The following COL23A1 variants were observed in gnomAD, a reference collection of about 807,000 sequenced individuals.
COL23A1 encodes the protein collagen type XXIII alpha 1 chain, also known as collagen alpha-1(XXIII) chain.
In COL23A1, 97 loss-of-function variants were observed where a neutral mutation model predicts 99.3. The ratio of observed to expected loss-of-function variants is 0.98; its 90% CI spans 0.83 to 1.16. The LOEUF (loss-of-function observed/expected upper bound fraction) is 1.16, where lower values mean the gene tolerates loss of function less well. Ranked by LOEUF, COL23A1 falls within the 50% of genes most tolerant of loss-of-function variation. The pLI is 0.00. For synonymous variants in COL23A1, 320 were observed against 308.2 expected (o/e 1.04, Z -0.40); for missense variants, 762 against 757.4 (o/e 1.01, Z -0.07).
intron 2 of COL23A1, among the ~76,000 whole-genome samples, chr5:178,474,860 C>T (rs1008017554): frequency 3.3e-5 from 5 of 152,188 alleles, no homozygotes; most frequent in African/African-American, 9.7e-5. Context: ...TGGCTTAAAG[C>T]GACAGAAATT....
chr5:178,470,243 A>G (rs1292093123), intron 2 of COL23A1, among the ~76,000 whole-genome samples: 1 of 152,148 alleles, frequency 6.6e-6, no homozygotes, highest in African/African-American at 2.4e-5. Context: ...CTGGCCATCC[A>G]GCGTCTGTCC....
chr5:178,523,163 C>CGTATAT (rs1554189030), intron 2 of COL23A1, among the ~76,000 whole-genome samples: 2 of 95,562 alleles, frequency 2.1e-5, no homozygotes, highest in Admixed American at 1.4e-4. Context: ...TATATATATA[C>CGTATAT]ATATATATAT....
chr5:178,517,568 G>GTTTTTTTTTTTTTTT lies in COL23A1; in HGVS notation c.361+43113_361+43114insAAAAAAAAAAAAAAA, dbSNP rs70997606. Among the ~76,000 whole-genome samples, 15 of 108,260 alleles carry GTTTTTTTTTTTTTTT rather than the reference G, an allele frequency of 1.4e-4. 2 individuals carry two copies. Among genetic ancestry groups the GTTTTTTTTTTTTTTT allele is most frequent in the African/African-American group, 5.8e-4 (15 of 25,962 alleles). 71.0% of individuals were successfully genotyped at this position (108,260 alleles called of 152,430 possible). A position where few individuals can be genotyped will look rare whatever the true frequency, so the allele number is the denominator to read the frequency against. On this transcript the variant is annotated intron_variant, in intron 2 of 28. Coordinates refer to ENST00000390654, the MANE Select transcript of COL23A1 (RefSeq NM_173465.4). Reference sequence around the variant, plus strand: ...TCTCGGTGACAGCAGTTTTTTTTTTGTTTTTTTTTTTGAGATGGAGTCTCA... The same window carrying GTTTTTTTTTTTTTTT: ...TCTCGGTGACAGCAGTTTTTTTTTTGTTTTTTTTTTTTTTTTTTTTTTTTTTGAGATGGAGTCTCA...
intron 5 of COL23A1, among the ~76,000 whole-genome samples, chr5:178,276,413 G>C (rs1386691851): frequency 6.6e-6 from 1 of 152,222 alleles, no homozygotes; most frequent in Non-Finnish European, 1.5e-5. Context: ...ACTAGGACAA[G>C]GCCCCTGGAA....
chr5:178,404,029 A>G (rs1310060348), intron 2 of COL23A1, among the ~76,000 whole-genome samples: 2 of 152,222 alleles, frequency 1.3e-5, no homozygotes, highest in Non-Finnish European at 2.9e-5. Context: ...CAGAGAGGCA[A>G]GGAAGACAGG....
rs567245281 is a variant in COL23A1 at position 178,553,726 on chromosome 5, T to C, written c.361+6956A>G. Among the ~76,000 whole-genome samples, 19 of 152,272 alleles carry C rather than the reference T, an allele frequency of 1.2e-4. No homozygotes were observed. In the South Asian group the frequency reaches 3.9e-3, roughly 32 times the overall value. The stretch of plus-strand genomic sequence containing the variant: ...GATGAGGGTTCACGGCCACACACTT[T>C]CCTTTTCTGTTTCTCTCACTCCAGC... On this transcript the variant is annotated intron_variant, in intron 2 of 28. Transcript: ENST00000390654.
In COL23A1 at chr5:178,251,609, C is replaced by T. The variant is rs112441571; in HGVS notation, c.1014+935G>A. 2.4e-4 allele frequency among the ~76,000 whole-genome samples: 36 copies of T among 152,256 alleles called. 2 individuals are homozygous for T. The highest frequency in any genetic ancestry group is 8.4e-4 in the African/African-American group (35 of 41,562). On this transcript the variant is annotated intron_variant, in intron 17 of 28. Coordinates refer to ENST00000390654, the MANE Select transcript of COL23A1 (RefSeq NM_173465.4). ...AAAAAAGTTTTAGATTCAGGGGGTA[C>T]ACGGGCAGGGTTGTCACATGGGATT...
intron 2 of COL23A1, among the ~76,000 whole-genome samples, chr5:178,556,205 G>T (rs927182611): frequency 6.6e-6 from 1 of 152,016 alleles, no homozygotes. Context: ...ATACACAGAC[G>T]GGCACAGACC....
At chr5:178,353,939 TAAA>T (rs74274474) in intron 2 of COL23A1, among the ~76,000 whole-genome samples, 62,032 of 142,520 alleles carry the variant, frequency 0.44, 13,389 homozygotes, top group Middle Eastern at 0.59. Context: ...ACCGTTGAGT[TAAA>T]AAAAAAAAAA....
At chr5:178,420,455 C>T (rs1192124685) in intron 2 of COL23A1, among the ~76,000 whole-genome samples, 20 of 92,244 alleles carry the variant, frequency 2.2e-4, no homozygotes, top group Non-Finnish European at 1.5e-4. Context: ...CCTCCCCTCC[C>T]CACCTCTATC....
chr5:178,429,310 C>A (rs1766124754), intron 2 of COL23A1, among the ~76,000 whole-genome samples: 1 of 152,206 alleles, frequency 6.6e-6, no homozygotes, highest in South Asian at 2.1e-4. Context: ...CCCCTCCACA[C>A]CCCACGAGCG....
chr5:178,297,700 G>A (rs1757819020), intron 3 of COL23A1, among the ~76,000 whole-genome samples: 1 of 152,190 alleles, frequency 6.6e-6, no homozygotes, highest in Admixed American at 6.5e-5. Flanking sequence ...CCCTAAGAGG[G>A]ACCATATCCC....
intron 2 of COL23A1, among the ~76,000 whole-genome samples, chr5:178,369,138 G>GC (rs1159020774): frequency 2.0e-5 from 3 of 152,236 alleles, no homozygotes; most frequent in African/African-American, 7.2e-5. Context: ...AGGAGGGACA[G>GC]CATCAGTCAT....
chr5:178,560,701 G>A lies in COL23A1; in HGVS notation c.342C>T (p.Ser114=), dbSNP rs199717877. ...ACTTACCTGGGGGGCAGACACATTC[G>A]GATGGAGCTTCCCGAGCAGTCCGGA... ...AKIRTAREAP[S]ECVCPPGPPG... The change falls in exon 2 of 29, where the codon TCC becomes TCT. Residue 114 remains serine, a synonymous_variant. Coordinates refer to ENST00000390654, the MANE Select transcript of COL23A1 (RefSeq NM_173465.4). 9.3e-6 allele frequency: 15 copies of A among 1,613,034 alleles called. No homozygotes were observed. The highest frequency in any genetic ancestry group is 4.5e-5 in the East Asian group (2 of 44,862).
At chr5:178,472,919 G>A (rs1403399258) in intron 2 of COL23A1, among the ~76,000 whole-genome samples, 1 of 152,272 alleles carries the variant, frequency 6.6e-6, no homozygotes, top group East Asian at 1.9e-4. Flanking sequence ...GAGCCTGGGA[G>A]TTCAAGACCA....
intron 3 of COL23A1, among the ~76,000 whole-genome samples, chr5:178,302,714 T>G (rs1249158707): frequency 6.6e-6 from 1 of 152,236 alleles, no homozygotes; most frequent in Non-Finnish European, 1.5e-5. Context: ...ATTGTAAGTT[T>G]TCAAGTCATC....
intron 2 of COL23A1, among the ~76,000 whole-genome samples, chr5:178,470,218 G>A (rs746501776): frequency 1.3e-5 from 2 of 152,188 alleles, no homozygotes; most frequent in East Asian, 1.9e-4. Context: ...TCTCAGGGAC[G>A]AAGCTTGCTT....
rs1415084609 is a variant in COL23A1 at position 178,452,117 on chromosome 5, A to T, written c.361+108565T>A. 3.9e-5 allele frequency among the ~76,000 whole-genome samples: 6 copies of T among 152,180 alleles called. No individual in the cohort carries two copies. In the East Asian group the frequency reaches 1.2e-3, roughly 29 times the overall value. ...CCTATCAGATACCACGATGTATTAT[A>T]AAGTCTAGGTAATTAAAAGGGTGAC... On this transcript the variant is annotated intron_variant, in intron 2 of 28. Coordinates refer to ENST00000390654, the MANE Select transcript of COL23A1 (RefSeq NM_173465.4).
chr5:178,449,691 T>A lies in COL23A1; in HGVS notation c.361+110991A>T, dbSNP rs7709839. Among the ~76,000 whole-genome samples the A allele has an allele frequency of 3.2e-3, 481 of 151,870 alleles. 1 individual carries two copies. The highest frequency in any genetic ancestry group is 0.011 in the African/African-American group (461 of 41,436). On this transcript the variant is annotated intron_variant, in intron 2 of 28. Transcript: ENST00000390654. ...CCCACCCCACCCCACCTTTTTACTA[T>A]TTTTCCTAATTAGAGAAGTGGCCCG...
Sources: gnomAD v4.1 joint callset for allele counts (sites outside exome capture counted in the v4.1 genomes callset) on GRCh38, gnomAD v4.1.1 for gene constraint, MANE v1.5 for transcripts, NCBI Gene and HGNC (gene_info 2026-07-23, HGNC 2026-07-21) for gene names.